The following CNBD1 variants were observed in gnomAD, a reference collection of about 807,000 sequenced individuals.
The protein encoded by CNBD1 is cyclic nucleotide binding domain containing 1.
CNBD1 carries 71 observed loss-of-function variants against 54.4 expected under a neutral mutation model. The observed-to-expected ratio is 1.30, with a 90% confidence interval of 1.08 to 1.59. The LOEUF (loss-of-function observed/expected upper bound fraction) is 1.59, where lower values mean the gene tolerates loss of function less well. CNBD1 is among the 40% of genes most tolerant of loss of function. CNBD1 has a pLI of 0.00. For missense variants in CNBD1, 659 were observed against 518.0 expected (o/e 1.27, Z -2.64); for synonymous variants, 182 against 170.7 (o/e 1.07, Z -0.51).
At chr8:86,961,429 A>G (rs1807926656) in intron 4 of CNBD1, among the ~76,000 whole-genome samples, 1 of 152,246 alleles carries the variant, frequency 6.6e-6, no homozygotes, top group African/African-American at 2.4e-5. Flanking sequence ...AAAACCCTGG[A>G]TACATGCAAT....
chr8:86,970,707 T>C (rs1429482327), intron 4 of CNBD1, among the ~76,000 whole-genome samples: 1 of 152,210 alleles, frequency 6.6e-6, no homozygotes, highest in African/African-American at 2.4e-5. Context: ...ACATGCAGCA[T>C]TTCATTTTCT....
chr8:87,167,995 C>T (rs965321636), intron 4 of CNBD1, among the ~76,000 whole-genome samples: 3 of 151,876 alleles, frequency 2.0e-5, no homozygotes, highest in Non-Finnish European at 4.4e-5. Context: ...GTTATTGTAA[C>T]ACAATGGTAA....
intron 2 of CNBD1, among the ~76,000 whole-genome samples, chr8:87,403,501 A>G (rs1377438614): frequency 3.9e-5 from 6 of 152,054 alleles, no homozygotes. Flanking sequence ...ATCATCATAG[A>G]AGAATTAAGA....
At chr8:87,208,383 A>G (rs768835034) in intron 5 of CNBD1, among the ~76,000 whole-genome samples, 4 of 151,836 alleles carry the variant, frequency 2.6e-5, no homozygotes, top group Non-Finnish European at 1.5e-5. Context: ...AATGATTACT[A>G]TATTATTATA....
rs551409162 is a variant in CNBD1 at position 86,985,656 on chromosome 8, A to G, written c.431+45902A>G. On this transcript the variant is annotated intron_variant, in intron 4 of 10. Transcript: ENST00000518476. ...TACACCATTGAATAACACTGCAATG[A>G]ACATGTAAGTGCATGTGTCTTTTTG... Among the ~76,000 whole-genome samples, 11 of 152,328 alleles carry G rather than the reference A, an allele frequency of 7.2e-5. No homozygotes were observed. The South Asian group carries it at 2.3e-3, about 32-fold the overall frequency.
intron 4 of CNBD1, among the ~76,000 whole-genome samples, chr8:87,091,139 CA>C (rs751329879): frequency 0.019 from 1,436 of 74,044 alleles, 8 homozygotes; most frequent in Middle Eastern, 0.049. Context: ...GACTCTGTCT[CA>C]AAAAAAAAAA....
intron 8 of CNBD1, among the ~76,000 whole-genome samples, chr8:87,305,166 A>G (rs1232538844): frequency 6.6e-6 from 1 of 152,130 alleles, no homozygotes; most frequent in South Asian, 2.1e-4. Context: ...ATAGCTGCAA[A>G]AAAAGAAAAA....
chr8:87,324,289 C>G (rs922189557), intron 8 of CNBD1, among the ~76,000 whole-genome samples: 2 of 127,848 alleles, frequency 1.6e-5, no homozygotes, highest in African/African-American at 5.8e-5. Context: ...CTCTGCCCGG[C>G]TTTGGTATCA....
At chr8:86,912,550 T>C (rs1809116086) in intron 3 of CNBD1, among the ~76,000 whole-genome samples, 5 of 152,202 alleles carry the variant, frequency 3.3e-5, no homozygotes, top group African/African-American at 4.8e-5. Flanking sequence ...ATGATGTCAA[T>C]GTAAACAAAT....
intron 3 of CNBD1, among the ~76,000 whole-genome samples, chr8:86,910,357 G>A (rs1376031750): frequency 1.3e-5 from 2 of 152,094 alleles, no homozygotes; most frequent in African/African-American, 2.4e-5. Context: ...AGGGAACATG[G>A]TTACCAGGAA....
chr8:87,285,240 C>G (rs10111999), intron 7 of CNBD1, among the ~76,000 whole-genome samples: 42,697 of 151,900 alleles, frequency 0.28, 6,418 homozygotes, highest in African/African-American at 0.39. Flanking sequence ...AATGTGATTG[C>G]CATGATATTT....
At chr8:87,347,619 A>G (rs576726370) in intron 8 of CNBD1, among the ~76,000 whole-genome samples, 53 of 152,316 alleles carry the variant, frequency 3.5e-4, no homozygotes, top group African/African-American at 1.3e-3. Context: ...GATCTCATTG[A>G]GAATGTGAGA....
intron 4 of CNBD1, among the ~76,000 whole-genome samples, chr8:87,080,733 C>A (rs999919599): frequency 4.6e-5 from 7 of 152,008 alleles, no homozygotes; most frequent in Non-Finnish European, 1.0e-4. Context: ...ATTTATTTAT[C>A]TTAATAGATA....
chr8:87,270,798 T>C (rs1023462090), intron 6 of CNBD1, among the ~76,000 whole-genome samples: 1 of 151,876 alleles, frequency 6.6e-6, no homozygotes, highest in African/African-American at 2.4e-5. Flanking sequence ...CTTTTCTTTT[T>C]CTTCTTCTTA....
intron 8 of CNBD1, among the ~76,000 whole-genome samples, chr8:87,337,203 T>C (rs1809961041): frequency 6.6e-6 from 1 of 152,164 alleles, no homozygotes; most frequent in African/African-American, 2.4e-5. Flanking sequence ...AGGACCCATT[T>C]AACAAGGCAC....
Position 87,371,935 on chromosome 8 carries a change from G to A in CNBD1, c.1304-10685G>A, listed in dbSNP as rs541512398. Among the ~76,000 whole-genome samples the A allele has an allele frequency of 3.0e-3, 449 of 151,742 alleles. 4 individuals carry two copies. Among genetic ancestry groups the A allele is most frequent in the African/African-American group, 0.01 (423 of 41,164 alleles). ...CCCTTTGAAAACTGGCACAAGACAGGGACGCCCTCTCTCACCACTCCTATT... is the reference window on the plus strand; with the variant it reads ...CCCTTTGAAAACTGGCACAAGACAGAGACGCCCTCTCTCACCACTCCTATT... On this transcript the variant is annotated intron_variant, in intron 10 of 10. Coordinates refer to ENST00000518476, the MANE Select transcript of CNBD1 (RefSeq NM_173538.3).
intron 4 of CNBD1, among the ~76,000 whole-genome samples, chr8:86,964,353 T>G (rs1029778710): frequency 6.6e-6 from 1 of 152,220 alleles, no homozygotes; most frequent in African/African-American, 2.4e-5. Context: ...GGTACTGCTA[T>G]TCTTCCAACT....
chr8:87,329,078 C>G (rs1252859766), intron 8 of CNBD1, among the ~76,000 whole-genome samples: 2 of 151,116 alleles, frequency 1.3e-5, no homozygotes, highest in African/African-American at 4.9e-5. Context: ...GGTCTGTTAT[C>G]TATTTTGAGT....
intron 8 of CNBD1, among the ~76,000 whole-genome samples, chr8:87,345,038 G>A (rs1167535462): frequency 6.6e-6 from 1 of 152,092 alleles, no homozygotes; most frequent in Non-Finnish European, 1.5e-5. Context: ...TAGTTATAGT[G>A]CACTGTGCCT....
Sources: gnomAD v4.1 joint callset for allele counts (sites outside exome capture counted in the v4.1 genomes callset) on GRCh38, gnomAD v4.1.1 for gene constraint, MANE v1.5 for transcripts, NCBI Gene and HGNC (gene_info 2026-07-23, HGNC 2026-07-21) for gene names.